The following UNC13B variants were observed in gnomAD, a reference collection of about 807,000 sequenced individuals.
UNC13B encodes unc-13 homolog B.
Under a neutral mutation model 211.0 loss-of-function variants are expected in UNC13B, and 144 were observed. The observed-to-expected ratio is 0.68, with a 90% CI of 0.60 to 0.78. UNC13B has a LOEUF of 0.78. Among genes scored for constraint, UNC13B ranks in the 30% least tolerant of loss-of-function variants. The probability of loss-of-function intolerance (pLI) is 0.00; values close to 1 mark genes in which losing one functional copy is unlikely to be tolerated. For missense variants in UNC13B, 1,777 were observed against 2,002.0 expected (o/e 0.89, Z 2.14); for synonymous variants, 709 against 725.8 (o/e 0.98, Z 0.37).
intron 7 of UNC13B, among the ~76,000 whole-genome samples, chr9:35,289,466 C>T (rs765164969): frequency 6.6e-6 from 1 of 152,046 alleles, no homozygotes; most frequent in African/African-American, 2.4e-5. Flanking sequence ...AACCTGGTAA[C>T]GTGACAAAAT....
At chr9:35,328,187 A>AT (rs1329748435) in intron 11 of UNC13B, among the ~76,000 whole-genome samples, 2 of 151,486 alleles carry the variant, frequency 1.3e-5, no homozygotes, top group African/African-American at 4.9e-5. Context: ...TGCCCAGCTA[A>AT]TTTTTTTTGT....
At chr9:35,297,250 G>C (rs560221282) in intron 8 of UNC13B, among the ~76,000 whole-genome samples, 1 of 151,618 alleles carries the variant, frequency 6.6e-6, no homozygotes, top group African/African-American at 2.4e-5. Context: ...CACCATGCCC[G>C]GCTAATTTTT....
intron 24 of UNC13B, among the ~76,000 whole-genome samples, chr9:35,386,807 C>T (rs1387578526): frequency 6.6e-6 from 1 of 152,194 alleles, no homozygotes; most frequent in African/African-American, 2.4e-5. Flanking sequence ...TTCTGTGAGG[C>T]TGAGCTACTT....
chr9:35,337,565 C>T (rs1161074541), intron 11 of UNC13B, among the ~76,000 whole-genome samples: 1 of 152,134 alleles, frequency 6.6e-6, no homozygotes, highest in African/African-American at 2.4e-5. Context: ...TCAGAGATCC[C>T]CAGTGAAGGA....
At chr9:35,175,389 C>T (rs1219658054) in intron 1 of UNC13B, among the ~76,000 whole-genome samples, 1 of 152,044 alleles carries the variant, frequency 6.6e-6, no homozygotes, top group Non-Finnish European at 1.5e-5. Context: ...GATGCTGCCG[C>T]CAAGGAACTC....
intron 8 of UNC13B, among the ~76,000 whole-genome samples, chr9:35,299,060 C>T (rs1339778526): frequency 6.6e-6 from 1 of 152,066 alleles, no homozygotes; most frequent in Non-Finnish European, 1.5e-5. Flanking sequence ...GGTGAAAACC[C>T]ACCTCTACTA....
rs765941232 is a variant in UNC13B at position 35,403,835 on chromosome 9, A to G, written c.12825A>G (p.Leu4275=). Residue 4275 remains leucine (L), a synonymous_variant, in exon 40 of 40, where the codon CTA becomes CTG. Coordinates refer to ENST00000635942, the MANE Select transcript of UNC13B (RefSeq NM_001371189.2). ...GCTTTGCCCGGGAAGATCGCGTGCT[A>G]GGGCTGGCTGTGATGCCTCTGAGGG... ...DYCFAREDRV[L]GLAVMPLRDV... is the part of the protein sequence containing the mutation. The G allele has an allele frequency of 4.0e-5, 64 of 1,614,038 alleles. No homozygotes were observed. Among genetic ancestry groups the G allele is most frequent in the Non-Finnish European group, 5.3e-5 (62 of 1,180,034 alleles).
intron 11 of UNC13B, among the ~76,000 whole-genome samples, chr9:35,318,456 T>A (rs1403028135): frequency 1.3e-5 from 2 of 152,200 alleles, no homozygotes; most frequent in African/African-American, 4.8e-5. Flanking sequence ...AGTTTCCTAT[T>A]TATCGTTCTA....
intron 1 of UNC13B, among the ~76,000 whole-genome samples, chr9:35,163,112 A>G (rs1175713318): frequency 4.6e-5 from 7 of 152,178 alleles, no homozygotes; most frequent in Non-Finnish European, 1.0e-4. Context: ...AATGAATGCA[A>G]GTACTGTGAC....
chr9:35,353,252 G>A (rs1278692578), intron 11 of UNC13B: 2 of 1,232,156 alleles, frequency 1.6e-6, no homozygotes, highest in African/African-American at 3.1e-5. Context: ...TGAGGATGTG[G>A]AAATCAAGTT....
At chr9:35,357,678 A>G (rs1833121718) in intron 11 of UNC13B, among the ~76,000 whole-genome samples, 3 of 151,666 alleles carry the variant, frequency 2.0e-5, no homozygotes, top group Admixed American at 2.0e-4. Context: ...ACTTGAGCTC[A>G]GAAATTTGAG....
intron 11 of UNC13B, among the ~76,000 whole-genome samples, chr9:35,349,268 C>T (rs1258795279): frequency 2.0e-5 from 3 of 151,476 alleles, no homozygotes; most frequent in Non-Finnish European, 4.4e-5. Flanking sequence ...CAGCTGCAGC[C>T]CTTGTAAAGC....
intron 6 of UNC13B, among the ~76,000 whole-genome samples, chr9:35,251,200 G>A (rs997423748): frequency 1.5e-4 from 23 of 151,914 alleles, no homozygotes; most frequent in Non-Finnish European, 2.5e-4. Flanking sequence ...CTCTGACCTC[G>A]TGATCCGCCC....
intron 7 of UNC13B, among the ~76,000 whole-genome samples, chr9:35,292,635 G>A (rs1829154742): frequency 6.6e-6 from 1 of 152,312 alleles, no homozygotes; most frequent in South Asian, 2.1e-4. Context: ...CAATATTTGT[G>A]TCTATATATT....
chr9:35,214,608 G>C (rs1010853850), intron 1 of UNC13B, among the ~76,000 whole-genome samples: 2 of 151,892 alleles, frequency 1.3e-5, no homozygotes, highest in Non-Finnish European at 2.9e-5. Flanking sequence ...AAAGAGAGAG[G>C]CTGAGTGACA....
At chr9:35,184,194 C>A (rs963919411) in intron 1 of UNC13B, among the ~76,000 whole-genome samples, 2 of 151,482 alleles carry the variant, frequency 1.3e-5, no homozygotes, top group South Asian at 4.2e-4. Context: ...CCAGACAGGG[C>A]GGCCGGGCAG....
chr9:35,272,553 C>T (rs540655119), intron 7 of UNC13B, among the ~76,000 whole-genome samples: 8 of 152,072 alleles, frequency 5.3e-5, no homozygotes, highest in South Asian at 4.2e-4. Context: ...CCACCACGCC[C>T]GGCCTGTTTT....
chr9:35,218,204 A>G (rs1824365238), intron 1 of UNC13B, among the ~76,000 whole-genome samples: 1 of 152,208 alleles, frequency 6.6e-6, no homozygotes, highest in Non-Finnish European at 1.5e-5. Context: ...TAACAAAAAC[A>G]ATAACATGTC....
chr9:35,382,911 A>T (rs1193297358), intron 21 of UNC13B, among the ~76,000 whole-genome samples: 1 of 152,178 alleles, frequency 6.6e-6, no homozygotes, highest in Non-Finnish European at 1.5e-5. Context: ...TGATGTGCTT[A>T]AAATTCAGAT....
Sources: gnomAD v4.1 joint callset for allele counts (sites outside exome capture counted in the v4.1 genomes callset) on GRCh38, gnomAD v4.1.1 for gene constraint, MANE v1.5 for transcripts, NCBI Gene and HGNC (gene_info 2026-07-23, HGNC 2026-07-21) for gene names.